Variants in COL4A2 observed in about 807,000 individuals in gnomAD.
COL4A2 encodes collagen alpha-2(IV) chain.
A neutral mutation model predicts 200.2 loss-of-function variants in COL4A2; 99 were observed. The ratio of observed to expected loss-of-function variants is 0.49; its 90% CI spans 0.42 to 0.58. The LOEUF is 0.58. COL4A2 is among the 20% of genes least tolerant of loss of function. The probability of loss-of-function intolerance (pLI) is 0.00; values close to 1 mark genes in which losing one functional copy is unlikely to be tolerated. For synonymous variants in COL4A2, 897 were observed against 900.6 expected, an observed-to-expected ratio of 1.00 and a Z score of 0.07; for missense variants, 1,950 against 2,314.1, an observed-to-expected ratio of 0.84 and a Z score of 3.23.
At chr13:110,494,703 T>TA (rs35053890) in intron 39 of COL4A2, among the ~76,000 whole-genome samples, 53,514 of 146,020 alleles carry the variant, frequency 0.37, 10,461 homozygotes, top group Middle Eastern at 0.46. Flanking sequence ...GACTCCGTCT[T>TA]AAAAAAAAAA....
At chr13:110,327,838 C>T (rs183577638) in intron 3 of COL4A2, among the ~76,000 whole-genome samples, 400 of 152,324 alleles carry the variant, frequency 2.6e-3, no homozygotes, top group African/African-American at 8.8e-3. Context: ...TAAAACTTAA[C>T]GCTTGAAGCA....
chr13:110,327,259 T>C (rs1171976810), intron 3 of COL4A2, among the ~76,000 whole-genome samples: 1 of 152,232 alleles, frequency 6.6e-6, no homozygotes, highest in Non-Finnish European at 1.5e-5. Flanking sequence ...CCAGTTACTC[T>C]GGTTGGGTTG....
intron 28 of COL4A2, among the ~76,000 whole-genome samples, chr13:110,472,233 A>G (rs1594093440): frequency 6.6e-6 from 1 of 151,128 alleles, no homozygotes; most frequent in African/African-American, 2.4e-5. Flanking sequence ...CTCCCGCCTC[A>G]GCCTCCTGAG....
At chr13:110,507,829 G>A (rs1883937300) in intron 46 of COL4A2, 106 bp from the exon 47 acceptor site, 10 of 1,204,924 alleles carry the variant, frequency 8.3e-6, no homozygotes, top group South Asian at 6.8e-5. Context: ...TCCACCAGGT[G>A]CCCTGGGGCG....
At chr13:110,507,787 C>A in intron 46 of COL4A2, 148 bp from the exon 47 acceptor site, 1 of 725,668 alleles carries the variant, frequency 1.4e-6, no homozygotes. Flanking sequence ...AATTGGGAAG[C>A]CTTAGCCTGG....
At chr13:110,395,730 A>G (rs1429053544) in intron 4 of COL4A2, among the ~76,000 whole-genome samples, 2 of 152,166 alleles carry the variant, frequency 1.3e-5, no homozygotes, top group East Asian at 3.8e-4. Flanking sequence ...GGGTAACTTG[A>G]GGTCAGGAGT....
At chr13:110,434,756 G>C (rs1312043524) in intron 12 of COL4A2, among the ~76,000 whole-genome samples, 1 of 152,204 alleles carries the variant, frequency 6.6e-6, no homozygotes. Flanking sequence ...CTCCTGTGTG[G>C]AGCCCAGAGG....
chr13:110,499,172 C>T (rs2004854), intron 40 of COL4A2, among the ~76,000 whole-genome samples: 88,384 of 152,144 alleles, frequency 0.58, 25,943 homozygotes, highest in Middle Eastern at 0.66. Context: ...CATCTTCCTT[C>T]GCATGAGTTG....
chr13:110,468,594 G>A (rs145326976), intron 27 of COL4A2, among the ~76,000 whole-genome samples: 11 of 152,198 alleles, frequency 7.2e-5, no homozygotes, highest in Non-Finnish European at 1.3e-4. Context: ...CCTCCCATCC[G>A]CTCCTCCCTC....
Position 110,462,400 on chromosome 13 carries a change from C to A in COL4A2, c.1776+16C>A. Reference sequence around the variant, plus strand: ...AGGCCCTCCCGTGAGTAGCCACAAACTGCGGCAGCTCCGTCCTCTCTTCTT... The same window carrying A: ...AGGCCCTCCCGTGAGTAGCCACAAAATGCGGCAGCTCCGTCCTCTCTTCTT... On this transcript the variant is annotated intron_variant, in intron 24 of 47. Transcript: ENST00000360467. 6.2e-7 allele frequency: 1 copy of A among 1,611,064 alleles called. No homozygotes were observed. Among genetic ancestry groups the A allele is most frequent in the Non-Finnish European group, 8.5e-7 (1 of 1,179,254 alleles).
chr13:110,388,172 C>A (rs1594185771), intron 4 of COL4A2, among the ~76,000 whole-genome samples: 1 of 152,220 alleles, frequency 6.6e-6, no homozygotes, highest in East Asian at 1.9e-4. Context: ...GGTAACATTT[C>A]TATGCAATAT....
chr13:110,309,729 T>C (rs188619449), intron 3 of COL4A2, among the ~76,000 whole-genome samples: 22 of 152,192 alleles, frequency 1.4e-4, no homozygotes, highest in Non-Finnish European at 2.6e-4. Flanking sequence ...GGCTCACGCC[T>C]GTAATCTTAG....
Position 110,512,069 on chromosome 13 carries a change from A to G in COL4A2, c.5017A>G (p.Ser1673Gly), listed in dbSNP as rs2139564584. The change falls in exon 48 of 48, where the codon AGC becomes GGC. Residue 1673 changes from serine to glycine, a missense_variant. Ser to Gly is a moderately conservative substitution (Grantham distance 56). Coordinates refer to ENST00000360467, the MANE Select transcript of COL4A2 (RefSeq NM_001846.4). The stretch of plus-strand genomic sequence containing the variant: ...CTGCCACTACTACGCCAACAAGTAC[A>G]GCTTCTGGCTGACCACCATTCCCGA... ...GTCHYYANKY[S>G]FWLTTIPEQS... 1 of 1,613,834 alleles carries G rather than the reference A, an allele frequency of 6.2e-7. No homozygotes were observed. The highest frequency in any genetic ancestry group is 8.5e-7 in the Non-Finnish European group (1 of 1,180,042).
At chr13:110,457,524 C>A (rs753416068) in intron 21 of COL4A2, 89 bp downstream of exon 21, 4 of 793,060 alleles carry the variant, frequency 5.0e-6, no homozygotes, top group Admixed American at 3.9e-5. Flanking sequence ...CCCCCACTCA[C>A]GTGTTTGGAC....
chr13:110,452,329 A>G (rs569661504), intron 20 of COL4A2, among the ~76,000 whole-genome samples: 5 of 152,220 alleles, frequency 3.3e-5, no homozygotes, highest in Non-Finnish European at 5.9e-5. Flanking sequence ...CGCCCGGCTA[A>G]TTTTTTGTAT....
Position 110,470,951 on chromosome 13 carries a change from C to G in COL4A2, c.2203+1627C>G, listed in dbSNP as rs551402869. 2.6e-5 allele frequency among the ~76,000 whole-genome samples: 4 copies of G among 152,268 alleles called. No individual in the cohort carries two copies. The East Asian group carries it at 5.8e-4, about 22-fold the overall frequency. ...GGAAGCAGGCTTCCTGTGTCTGTAT[C>G]AAGGCCCTGGTAAAAACAACTCTGC... is the stretch of plus-strand genomic sequence containing the variant. On this transcript the variant is annotated intron_variant, in intron 28 of 47. Coordinates refer to ENST00000360467, the MANE Select transcript of COL4A2 (RefSeq NM_001846.4).
chr13:110,323,059 T>C (rs1885316652), intron 3 of COL4A2, among the ~76,000 whole-genome samples: 1 of 152,254 alleles, frequency 6.6e-6, no homozygotes, highest in African/African-American at 2.4e-5. Flanking sequence ...CAACCCAGCC[T>C]GGGCACTGTT....
In COL4A2 at chr13:110,504,245, G is replaced by A. The variant is rs201973817; in HGVS notation, c.4383G>A (p.Gln1461=). The A allele has an allele frequency of 1.2e-6, 2 of 1,613,812 alleles. No homozygotes were observed. The highest frequency in any genetic ancestry group is 2.2e-5 in the East Asian group (1 of 44,878). Reference sequence around the variant, plus strand: ...GAGATGAAGGACCCATAGGCCACCAGGGGCCGATTGGCCAAGAAGGTGAGT... The same window carrying A: ...GAGATGAAGGACCCATAGGCCACCAAGGGCCGATTGGCCAAGAAGGTGAGT... The part of the protein sequence containing the change: ...FRGDEGPIGH[Q]GPIGQEGAPG... The change falls in exon 45 of 48, where the codon CAG becomes CAA. Residue 1461 remains glutamine (Q), a synonymous_variant. Coordinates refer to ENST00000360467, the MANE Select transcript of COL4A2 (RefSeq NM_001846.4).
chr13:110,393,676 C>T (rs566982827), intron 4 of COL4A2, among the ~76,000 whole-genome samples: 2 of 151,550 alleles, frequency 1.3e-5, no homozygotes, highest in Non-Finnish European at 2.9e-5. Context: ...GTCAGGAGTT[C>T]GAGACCAACC....
Sources: allele counts gnomAD v4.1 joint callset (sites outside exome capture counted in the v4.1 genomes callset), GRCh38; gene constraint gnomAD v4.1.1; transcripts MANE v1.5; gene names NCBI Gene and HGNC (gene_info 2026-07-23, HGNC 2026-07-21).